The following CCDC82 variants were observed in gnomAD, a reference collection of about 807,000 sequenced individuals.
CCDC82 encodes the protein coiled-coil domain-containing protein 82.
Under a neutral mutation model 60.6 loss-of-function variants are expected in CCDC82, and 47 were observed. The ratio of observed to expected loss-of-function variants is 0.77; its 90% CI spans 0.61 to 0.99. The LOEUF is 0.99. CCDC82 is among the 50% of genes least tolerant of loss of function. The probability of loss-of-function intolerance (pLI) is 0.00; values close to 1 mark genes in which losing one functional copy is unlikely to be tolerated. For missense variants in CCDC82, 588 were observed against 633.0 expected (o/e 0.93, Z 0.76); for synonymous variants, 212 against 207.4 (o/e 1.02, Z -0.19).
At chr11:96,356,442 C>T (rs1489934162) in intron 9 of CCDC82, 4 of 985,214 alleles carry the variant, frequency 4.1e-6, no homozygotes, top group East Asian at 1.1e-4. Context: ...GAATGGGCAT[C>T]TGATACTTCT....
At chr11:96,363,693 G>GT (rs1426560840) in intron 8 of CCDC82, 1 of 151,996 alleles carries the variant, frequency 6.6e-6, no homozygotes, top group Non-Finnish European at 1.5e-5. Flanking sequence ...TAAAAGATAC[G>GT]TATCACCCCT....
intron 8 of CCDC82, chr11:96,363,431 T>C (rs1278047438): frequency 6.6e-6 from 1 of 152,232 alleles, no homozygotes; most frequent in Non-Finnish European, 1.5e-5. Context: ...TTAAAAAATT[T>C]AATCACACTC....
intron 1 of CCDC82, chr11:96,388,502 A>G (rs1866334714): frequency 6.6e-6 from 1 of 152,234 alleles, no homozygotes; most frequent in Admixed American, 6.5e-5. Context: ...ATACATAGCT[A>G]TGTTATCTGC....
intron 5 of CCDC82, among the ~76,000 whole-genome samples, chr11:96,378,126 C>G (rs752079032): frequency 6.6e-6 from 1 of 151,880 alleles, no homozygotes; most frequent in Non-Finnish European, 1.5e-5. Flanking sequence ...TCTTCTCTAC[C>G]CTAGAACTTC....
intron 7 of CCDC82, among the ~76,000 whole-genome samples, chr11:96,366,492 C>G (rs1168596954): frequency 6.6e-6 from 1 of 152,190 alleles, no homozygotes; most frequent in Non-Finnish European, 1.5e-5. Context: ...GTTTTGGAGT[C>G]TGAGACTCTG....
At chr11:96,380,549 C>G (rs1020797436) in intron 5 of CCDC82, 1 of 151,760 alleles carries the variant, frequency 6.6e-6, no homozygotes, top group Non-Finnish European at 1.5e-5. Flanking sequence ...TTTATAGCAG[C>G]TTTATTCACA....
intron 5 of CCDC82, among the ~76,000 whole-genome samples, chr11:96,379,751 G>T (rs938189620): frequency 4.6e-5 from 7 of 151,670 alleles, no homozygotes; most frequent in African/African-American, 1.7e-4. Flanking sequence ...TTCCTATTGA[G>T]CCTGAGATGT....
intron 5 of CCDC82, among the ~76,000 whole-genome samples, chr11:96,377,081 T>C (rs909558664): frequency 6.6e-6 from 1 of 152,202 alleles, no homozygotes; most frequent in Admixed American, 6.5e-5. Context: ...TTACAAATAT[T>C]CGCTTAGGTA....
At chr11:96,358,326 CTG>C (rs1864451870) in intron 9 of CCDC82, 2 of 1,202,204 alleles carry the variant, frequency 1.7e-6, no homozygotes, top group East Asian at 6.9e-5. Flanking sequence ...TCTAAAAGCT[CTG>C]TGAGCAGACC....
In CCDC82 at chr11:96,367,564, C is replaced by A. The variant is rs1865012941; in HGVS notation, c.1210-2414G>T. ...AAGTTTCACTTCTACTTCTAGTTCT[C>A]TTGCTATTTCAACCATATCTGTAGT... is the stretch of plus-strand genomic sequence containing the variant. On this transcript the variant is annotated intron_variant, in intron 7 of 9. Transcript: ENST00000646818. Among the ~76,000 whole-genome samples the A allele has an allele frequency of 2.6e-5, 4 of 152,180 alleles. No homozygotes were observed. In the South Asian group the frequency reaches 8.3e-4, roughly 32 times the overall value.
rs1202065486 is a variant in CCDC82, at chr11:96,383,360, C to T, written c.900G>A (p.Val300=). 1.2e-6 allele frequency: 2 copies of T among 1,604,868 alleles called. No homozygotes were observed. The highest frequency in any genetic ancestry group is 2.2e-5 in the East Asian group (1 of 44,652). The change falls in exon 5 of 10, where the codon GTG becomes GTA. Residue 300 remains valine (V), a synonymous_variant. Coordinates refer to ENST00000646818, the MANE Select transcript of CCDC82 (RefSeq NM_024725.4). ...GDDYIIDDFV[V]QDEEGDEENK... ...TCTCTTCATCACCCTCCTCATCTTGCACTACAAAGTCATCGATAATATAAT... is the reference window on the plus strand; with the variant it reads ...TCTCTTCATCACCCTCCTCATCTTGTACTACAAAGTCATCGATAATATAAT...
At chr11:96,370,605 A>G (rs1865209257) in intron 7 of CCDC82, among the ~76,000 whole-genome samples, 1 of 152,170 alleles carries the variant, frequency 6.6e-6, no homozygotes, top group South Asian at 2.1e-4. Context: ...TGCATTCCAT[A>G]CCACCCTTTG....
chr11:96,356,969 G>A (rs966599491), intron 9 of CCDC82: 22 of 985,480 alleles, frequency 2.2e-5, no homozygotes, highest in Non-Finnish European at 2.7e-5. Flanking sequence ...ACATAAATGG[G>A]AAATATGAGC....
At chr11:96,372,317 CTT>C (rs1221757261) in intron 6 of CCDC82, among the ~76,000 whole-genome samples, 1 of 152,062 alleles carries the variant, frequency 6.6e-6, no homozygotes, top group Non-Finnish European at 1.5e-5. Flanking sequence ...TATTCTCAAT[CTT>C]CTTACCCTAT....
At chr11:96,357,453 CTT>C in intron 9 of CCDC82, 1 of 985,180 alleles carries the variant, frequency 1.0e-6, no homozygotes, top group Non-Finnish European at 1.2e-6. Context: ...AAGCTCCTTT[CTT>C]TTCCTAAGAA....
At chr11:96,379,276 T>C (rs1257354692) in intron 5 of CCDC82, among the ~76,000 whole-genome samples, 1 of 151,952 alleles carries the variant, frequency 6.6e-6, no homozygotes, top group Admixed American at 6.6e-5. Flanking sequence ...TTATTTATTA[T>C]ATTTAGATAT....
At chr11:96,364,440 C>G (rs1194129682) in intron 8 of CCDC82, 1 of 152,040 alleles carries the variant, frequency 6.6e-6, no homozygotes, top group East Asian at 1.9e-4. Flanking sequence ...ATATTTCCAT[C>G]TTAATAATTG....
intron 9 of CCDC82, chr11:96,358,194 T>C: frequency 1.0e-6 from 1 of 999,698 alleles, no homozygotes. Flanking sequence ...CTTTAAAAGA[T>C]TAAATGTTGA....
chr11:96,365,151 C>A lies in CCDC82; in HGVS notation c.1210-1G>T. ...CATTAGAATAATTTTCTACTCGCTCCTGAAAACAAAAAATATAAAAAAAAG... is the reference window on the plus strand; with the variant it reads ...CATTAGAATAATTTTCTACTCGCTCATGAAAACAAAAAATATAAAAAAAAG... On this transcript the variant is annotated splice_acceptor_variant, in intron 7 of 9. Transcript: ENST00000646818. LOFTEE classifies it high-confidence loss of function. 6.6e-7 allele frequency: 1 copy of A among 1,522,084 alleles called. No individual in the cohort carries two copies. The highest frequency in any genetic ancestry group is 2.3e-5 in the East Asian group (1 of 43,428). The allele number at this position is 1,522,084 out of a possible 1,614,324, so 94.3% of individuals were successfully genotyped here.
Sources: gnomAD v4.1 joint callset for allele counts (sites outside exome capture counted in the v4.1 genomes callset) on GRCh38, gnomAD v4.1.1 for gene constraint, MANE v1.5 for transcripts, NCBI Gene and HGNC (gene_info 2026-07-23, HGNC 2026-07-21) for gene names.